Variants in TMEM117 observed in about 807,000 individuals in gnomAD.
TMEM117 encodes the protein transmembrane protein 117.
In TMEM117, 27 loss-of-function variants were observed where a neutral mutation model predicts 52.4. The observed-to-expected ratio is 0.51, with a 90% CI of 0.38 to 0.71. The LOEUF (loss-of-function observed/expected upper bound fraction) is 0.71. Ranked by LOEUF, TMEM117 falls within the 30% of genes least tolerant of loss-of-function variation. The pLI, the probability that TMEM117 is intolerant of heterozygous loss-of-function variation, is 0.00. For missense variants in TMEM117, 556 were observed against 630.5 expected (o/e 0.88, Z 1.26); for synonymous variants, 215 against 206.3 (o/e 1.04, Z -0.36).
chr12:44,165,841 C>T (rs1345173558), intron 4 of TMEM117, among the ~76,000 whole-genome samples: 1 of 152,132 alleles, frequency 6.6e-6, no homozygotes, highest in African/African-American at 2.4e-5. Context: ...AACAAAGAAA[C>T]ATTGGATTTA....
downstream of TMEM117, among the ~76,000 whole-genome samples, chr12:44,391,895 C>T (rs73276292): frequency 0.042 from 6,464 of 152,198 alleles, 460 homozygotes; most frequent in African/African-American, 0.15. Flanking sequence ...TGACTTGGCT[C>T]ACTACTCTAT....
At chr12:44,177,488 T>C (rs563176082) in intron 4 of TMEM117, among the ~76,000 whole-genome samples, 1 of 152,320 alleles carries the variant, frequency 6.6e-6, no homozygotes, top group East Asian at 1.9e-4. Flanking sequence ...CTGTGTTTAT[T>C]TGTGGCTGTG....
chr12:43,984,866 A>G (rs1186420182), intron 3 of TMEM117, among the ~76,000 whole-genome samples: 2 of 152,188 alleles, frequency 1.3e-5, no homozygotes, highest in Non-Finnish European at 2.9e-5. Flanking sequence ...TTTTATTTGC[A>G]AAATGAAACC....
chr12:44,265,599 T>C (rs1373354004), intron 5 of TMEM117, among the ~76,000 whole-genome samples: 1 of 152,162 alleles, frequency 6.6e-6, no homozygotes, highest in African/African-American at 2.4e-5. Context: ...TATTTTTTTA[T>C]TGAGGTGAAA....
chr12:44,013,821 C>T (rs965123150), intron 3 of TMEM117, among the ~76,000 whole-genome samples: 1 of 152,134 alleles, frequency 6.6e-6, no homozygotes, highest in Non-Finnish European at 1.5e-5. Flanking sequence ...CTGTCTGTCT[C>T]TCCAATTTGT....
At chr12:44,043,242 G>T (rs913514947) in intron 3 of TMEM117, among the ~76,000 whole-genome samples, 1 of 152,138 alleles carries the variant, frequency 6.6e-6, no homozygotes, top group Admixed American at 6.5e-5. Context: ...TGCTAAGATT[G>T]CCCCCAGTGA....
intron 5 of TMEM117, among the ~76,000 whole-genome samples, chr12:44,233,007 C>T (rs1203472132): frequency 2.0e-5 from 3 of 151,092 alleles, no homozygotes; most frequent in South Asian, 2.1e-4. Flanking sequence ...AATTATTATA[C>T]TAATTTTAAT....
the TMEM117 span, among the ~76,000 whole-genome samples, chr12:44,398,947 C>A: frequency 6.6e-6 from 1 of 151,930 alleles, no homozygotes; most frequent in East Asian, 1.9e-4. Flanking sequence ...ATATCTAGTG[C>A]CTCTCTCAGG....
intron 5 of TMEM117, among the ~76,000 whole-genome samples, chr12:44,291,423 TGTAA>T (rs2138621904): frequency 6.7e-6 from 1 of 149,492 alleles, no homozygotes; most frequent in East Asian, 2.0e-4. Flanking sequence ...GTTTCCTGTA[TGTAA>T]GATCATGTTA....
intron 5 of TMEM117, among the ~76,000 whole-genome samples, chr12:44,235,535 T>A (rs1949985608): frequency 6.6e-6 from 1 of 151,830 alleles, no homozygotes; most frequent in Admixed American, 6.6e-5. Flanking sequence ...TACTCCCCTA[T>A]CAGTATAAAA....
At chr12:44,039,529 T>C (rs990586805) in intron 3 of TMEM117, among the ~76,000 whole-genome samples, 34 of 151,956 alleles carry the variant, frequency 2.2e-4, no homozygotes, top group African/African-American at 8.0e-4. Flanking sequence ...CCAAAAACTT[T>C]TGAGATTTTG....
At chr12:43,802,409 A>G in the TMEM117 span, 1 of 1,605,876 alleles carries the variant, frequency 6.2e-7, no homozygotes, top group African/African-American at 1.3e-5. Flanking sequence ...CAAAGGAATC[A>G]TAATCCTTAT....
intron 6 of TMEM117, among the ~76,000 whole-genome samples, chr12:44,342,941 T>C (rs1951436539): frequency 6.6e-6 from 1 of 152,032 alleles, no homozygotes; most frequent in Non-Finnish European, 1.5e-5. Context: ...CTCTGCTCAC[T>C]GCAACCTCTG....
intron 3 of TMEM117, among the ~76,000 whole-genome samples, chr12:44,020,756 A>C (rs564293690): frequency 6.6e-6 from 1 of 151,188 alleles, no homozygotes; most frequent in Admixed American, 6.6e-5. Context: ...AATAGCTAGC[A>C]GCCAGAACTC....
chr12:44,139,686 G>A (rs1948543638), intron 3 of TMEM117, among the ~76,000 whole-genome samples: 2 of 152,174 alleles, frequency 1.3e-5, no homozygotes, highest in East Asian at 1.9e-4. Flanking sequence ...AGAAAACAAA[G>A]GATGTATGAG....
At chr12:44,370,168 T>A (rs1951843001) in intron 6 of TMEM117, among the ~76,000 whole-genome samples, 1 of 152,216 alleles carries the variant, frequency 6.6e-6, no homozygotes, top group African/African-American at 2.4e-5. Context: ...ATTTACATGA[T>A]GACTAAAAGG....
At chr12:44,328,145 A>C (rs1951220910) in intron 6 of TMEM117, among the ~76,000 whole-genome samples, 1 of 152,104 alleles carries the variant, frequency 6.6e-6, no homozygotes, top group Non-Finnish European at 1.5e-5. Context: ...TTATTCTTTC[A>C]CTATGGAACA....
At chr12:43,912,511 A>AT (rs1188226676) in intron 2 of TMEM117, among the ~76,000 whole-genome samples, 7 of 15,872 alleles carry the variant, frequency 4.4e-4, no homozygotes, top group African/African-American at 4.9e-4. Context: ...AATAATTTAT[A>AT]TATATATATA....
chr12:44,334,363 A>G (rs1448354059), intron 6 of TMEM117, among the ~76,000 whole-genome samples: 2 of 152,082 alleles, frequency 1.3e-5, no homozygotes, highest in Non-Finnish European at 2.9e-5. Context: ...CATCCTGGAT[A>G]TCATTAGATT....
Sources: allele counts gnomAD v4.1 joint callset (sites outside exome capture counted in the v4.1 genomes callset), GRCh38; gene constraint gnomAD v4.1.1; transcripts MANE v1.5; gene names NCBI Gene and HGNC (gene_info 2026-07-23, HGNC 2026-07-21).